PRDX5: variants seen among roughly 807,000 people sequenced by gnomAD.
The protein encoded by PRDX5 is peroxiredoxin 5.
A neutral mutation model predicts 23.8 loss-of-function variants in PRDX5; 21 were observed. The observed-to-expected ratio is 0.88, with a 90% CI of 0.63 to 1.27. The LOEUF is 1.27. Among genes scored for constraint, PRDX5 ranks in the 50% most tolerant of loss-of-function variants. The pLI is 0.00. For synonymous variants in PRDX5, 111 were observed against 113.3 expected, an observed-to-expected ratio of 0.98 and a Z score of 0.13; for missense variants, 261 against 270.6, an observed-to-expected ratio of 0.96 and a Z score of 0.25.
intron 5 of PRDX5, 60 bp downstream of exon 5, chr11:64,321,128 G>T: frequency 1.4e-6 from 2 of 1,423,088 alleles, no homozygotes; most frequent in Non-Finnish European, 1.9e-6. Context: ...CTCTGTGGGA[G>T]AGAGTCCTCT....
chr11:64,320,755 CT>C lies in PRDX5; in HGVS notation c.402del (p.Gly135AlafsTer31). 6.2e-7 allele frequency: 1 copy of C among 1,614,150 alleles called. No individual in the cohort carries two copies. The highest frequency in any genetic ancestry group is 8.5e-7 in the Non-Finnish European group (1 of 1,179,998). ...ACLSVNDAFV[T>X]GEWGRAHKAE... is the part of the protein sequence containing the mutation. ...CTGAGTGTTAATGATGCCTTTGTGA[CT>C]GGCGAGTGGGGCCGAGCCCACAAGG... is the stretch of plus-strand genomic sequence containing the variant. On this transcript the variant is annotated frameshift_variant, in exon 3 of 6. Transcript: ENST00000265462. LOFTEE classifies it high-confidence loss of function.
Position 64,320,886 on chromosome 11 carries a change from A to T in PRDX5, c.460A>T (p.Thr154Ser). 6.2e-7 allele frequency: 1 copy of T among 1,614,178 alleles called. No individual in the cohort carries two copies. The highest frequency in any genetic ancestry group is 1.1e-5 in the South Asian group (1 of 91,078). The change falls in exon 4 of 6, where the codon ACT becomes TCT. Residue 154 changes from threonine (T) to serine (S), a missense_variant. Physicochemically the swap from Thr to Ser is moderately conservative, Grantham distance 58 (BLOSUM62 1). Coordinates refer to ENST00000265462, the MANE Select transcript of PRDX5 (RefSeq NM_012094.5). ...GCAGGTTCGGCTCCTGGCTGATCCC[A>T]CTGGGGCCTTTGGGAAGGTGAGTGT... Reference protein sequence around the residue: ...EGKVRLLADPTGAFGKETDLL... With the variant: ...EGKVRLLADPSGAFGKETDLL...
chr11:64,321,669 C>T lies in PRDX5; in HGVS notation c.623C>T (p.Pro208Leu). Reference protein sequence around the residue: ...DGTGLTCSLAPNIISQL With the variant: ...DGTGLTCSLALNIISQL The stretch of plus-strand genomic sequence containing the variant: ...ACAGGCCTCACCTGCAGCCTGGCAC[C>T]CAATATCATCTCACAGCTCTGAGGC... The change falls in exon 6 of 6, where the codon CCC becomes CTC. Residue 208 changes from proline to leucine, a missense_variant. Transcript: ENST00000265462. 5 of 1,593,950 alleles carry T rather than the reference C, an allele frequency of 3.1e-6. No individual in the cohort carries two copies. In the South Asian group the frequency reaches 4.5e-5, roughly 14 times the overall value.
In PRDX5 at chr11:64,321,739, C is replaced by A; in HGVS notation, c.*48C>A. The A allele has an allele frequency of 6.6e-7, 1 of 1,517,908 alleles. No homozygotes were observed. Among genetic ancestry groups the A allele is most frequent in the South Asian group, 1.2e-5 (1 of 80,980 alleles). The allele number at this position is 1,517,908 out of a possible 1,614,324, so 94.0% of individuals were successfully genotyped here. A position where few individuals can be genotyped will look rare whatever the true frequency, so the allele number is the denominator to read the frequency against. ...TCCACCCCTCCCTATCTCACCTGCC[C>A]AGCCCTGTGCTGGGGCCCTGCAATT... On this transcript the variant is annotated 3_prime_UTR_variant, in exon 6 of 6. Transcript: ENST00000265462.
chr11:64,321,441 G>A, intron 5 of PRDX5, 145 bp from the exon 6 acceptor site: 1 of 1,349,636 alleles, frequency 7.4e-7, no homozygotes, highest in Non-Finnish European at 1.0e-6. Context: ...GTCCTGTGTG[G>A]TGGTGAGTCC....
rs1052664094 is a variant in PRDX5, at chr11:64,319,104, A to G, written c.172-630A>G. 2.0e-5 allele frequency among the ~76,000 whole-genome samples: 3 copies of G among 149,174 alleles called. No homozygotes were observed. The South Asian group carries it at 6.4e-4, about 32-fold the overall frequency. ...CCTTGTGAGACCCCATTCCCTTTCT[A>G]CTTCATCCTGCTCTCAACCTTTGGG... On this transcript the variant is annotated intron_variant, in intron 1 of 5. Transcript: ENST00000265462.
At chr11:64,318,429 C>G in intron 1 of PRDX5, 43 bp downstream of exon 1, 2 of 1,565,186 alleles carry the variant, frequency 1.3e-6, no homozygotes, top group Non-Finnish European at 1.7e-6. Context: ...CCACTACCCC[C>G]ATGGCAATCC....
chr11:64,319,714 C>T lies in PRDX5; in HGVS notation c.172-20C>T, dbSNP rs773625200. The T allele has an allele frequency of 1.9e-5, 31 of 1,611,220 alleles. No homozygotes were observed. Among genetic ancestry groups the T allele is most frequent in the Non-Finnish European group, 2.4e-5 (28 of 1,178,708 alleles). ...GCCCCGGCTCCCTCACCCCCCTTAC[C>T]CTGGAGTCCTTCCTTCTAGGTGGGA... On this transcript the variant is annotated intron_variant, in intron 1 of 5. Transcript: ENST00000265462.
chr11:64,318,640 G>T (rs963782325), intron 1 of PRDX5, among the ~76,000 whole-genome samples: 2 of 151,776 alleles, frequency 1.3e-5, no homozygotes, highest in African/African-American at 4.8e-5. Context: ...TTTCTGTGTC[G>T]CCCAGGCTGG....
chr11:64,320,148 C>T (rs757911414), intron 2 of PRDX5, among the ~76,000 whole-genome samples: 2 of 152,160 alleles, frequency 1.3e-5, no homozygotes, highest in Admixed American at 6.5e-5. Flanking sequence ...GACATGGTGG[C>T]GGGCGCCTGT....
chr11:64,321,573 C>T lies in PRDX5; in HGVS notation c.540-13C>T. The stretch of plus-strand genomic sequence containing the variant: ...CAGGCTGATGCAGCTGGCTGGGCCC[C>T]TCTTTCCGGCAGGTTCTCCATGGTG... On this transcript the variant is annotated splice_polypyrimidine_tract_variant and intron_variant, in intron 5 of 5. Coordinates refer to ENST00000265462, the MANE Select transcript of PRDX5 (RefSeq NM_012094.5). The T allele has an allele frequency of 1.2e-6, 2 of 1,611,340 alleles. No individual in the cohort carries two copies. The highest frequency in any genetic ancestry group is 1.7e-6 in the Non-Finnish European group (2 of 1,178,296).
In PRDX5 at chr11:64,320,796, AG is replaced by A; in HGVS notation, c.438+6del. 6.2e-7 allele frequency: 1 copy of A among 1,614,058 alleles called. No homozygotes were observed. The highest frequency in any genetic ancestry group is 8.5e-7 in the Non-Finnish European group (1 of 1,179,980). On this transcript the variant is annotated splice_donor_5th_base_variant and intron_variant, in intron 3 of 5. Transcript: ENST00000265462. ...AGCCCACAAGGCGGAAGGCAAGGTG[AG>A]GTGAGGGGCCTGCAGGGAGTCAGGA...
Position 64,318,201 on chromosome 11 carries a change from G to A in PRDX5, c.-15G>A, listed in dbSNP as rs1217449575. ...ACCAGCCAGGAGGCGGAGTGGAAGT[G>A]GCCGTGGGGCGGGTATGGGACTAGC... On this transcript the variant is annotated 5_prime_UTR_variant, in exon 1 of 6. Transcript: ENST00000265462. 1 of 1,610,972 alleles carries A rather than the reference G, an allele frequency of 6.2e-7. No homozygotes were observed. Among genetic ancestry groups the A allele is most frequent in the Admixed American group, 1.7e-5 (1 of 59,958 alleles).
Position 64,321,064 on chromosome 11 carries a change from A to G in PRDX5, c.535A>G (p.Lys179Glu). The change falls in exon 5 of 6, where the codon AAG becomes GAG. Residue 179 changes from lysine (K) to glutamate (E), a missense_variant. By Grantham distance (56) the Lys-to-Glu change is moderately conservative. Transcript: ENST00000265462. ...LVSIFGNRRL[K>E]RFSMVVQDGI... ...GTCCATCTTTGGGAATCGACGTCTC[A>G]AGAGGTAAAAGTGGAGAGTCCTCTG... 4 of 1,612,978 alleles carry G rather than the reference A, an allele frequency of 2.5e-6. No homozygotes were observed. The highest frequency in any genetic ancestry group is 3.4e-6 in the Non-Finnish European group (4 of 1,179,272).
Position 64,318,235 on chromosome 11 carries a change from G to C in PRDX5, c.20G>C (p.Cys7Ser), listed in dbSNP as rs1323005952. 6.2e-7 allele frequency: 1 copy of C among 1,611,868 alleles called. No homozygotes were observed. The highest frequency in any genetic ancestry group is 1.7e-5 in the Admixed American group (1 of 60,014). Residue 7 changes from cysteine (C) to serine (S), a missense_variant, in exon 1 of 6, where the codon TGC (cysteine) becomes TCC (serine). Cys to Ser is a moderately radical substitution (Grantham distance 112). Transcript: ENST00000265462. ...GCGGGTATGGGACTAGCTGGCGTGT[G>C]CGCCCTGAGACGCTCAGCGGGCTAT... MGLAGVCALRRSAGYIL... is the reference protein window; with the variant it reads MGLAGVSALRRSAGYIL...
At position 64,318,128 on chromosome 11, in the gene PRDX5, A is replaced by G. The variant is rs896542446; in HGVS notation, c.-88A>G. The G allele has an allele frequency of 1.3e-6, 2 of 1,556,014 alleles. No homozygotes were observed. The highest frequency in any genetic ancestry group is 1.7e-6 in the Non-Finnish European group (2 of 1,155,698). On this transcript the variant is annotated 5_prime_UTR_variant, in exon 1 of 6. Transcript: ENST00000265462. ...GAGGCGGCCCAGGCCCGCCTTCCGC[A>G]GGGTGTCGCCGCTGTGCCGCTAGCG...
At chr11:64,318,897 C>T (rs892228383) in intron 1 of PRDX5, among the ~76,000 whole-genome samples, 2 of 133,388 alleles carry the variant, frequency 1.5e-5, no homozygotes, top group Admixed American at 1.7e-4. Flanking sequence ...GTGTGAGACA[C>T]CACTCCCGGC....
Position 64,320,708 on chromosome 11 carries a change from G to C in PRDX5, c.354G>C (p.Lys118Asn). Residue 118 changes from lysine to asparagine, a missense_variant, in exon 3 of 6, where the codon AAG becomes AAC. Coordinates refer to ENST00000265462, the MANE Select transcript of PRDX5 (RefSeq NM_012094.5). ...FVEQAEALKA[K>N]GVQVVACLSV... ...AGCAGGCTGAGGCTCTGAAGGCCAA[G>C]GGAGTCCAGGTGGTGGCCTGTCTGA... 2 of 1,613,448 alleles carry C rather than the reference G, an allele frequency of 1.2e-6. No individual in the cohort carries two copies. Among genetic ancestry groups the C allele is most frequent in the Non-Finnish European group, 1.7e-6 (2 of 1,179,458 alleles).
intron 2 of PRDX5, 150 bp downstream of exon 2, chr11:64,320,018 G>A (rs1248137422): frequency 4.2e-6 from 5 of 1,184,078 alleles, no homozygotes; most frequent in East Asian, 5.4e-5. Flanking sequence ...GGTGGCTCAC[G>A]CCTGTAATCC....
Sources: gnomAD v4.1 joint callset for allele counts (sites outside exome capture counted in the v4.1 genomes callset) on GRCh38, gnomAD v4.1.1 for gene constraint, MANE v1.5 for transcripts, NCBI Gene and HGNC (gene_info 2026-07-23, HGNC 2026-07-21) for gene names.